COL25A1: variants seen among roughly 807,000 people sequenced by gnomAD.
COL25A1 encodes the protein collagen alpha-1(XXV) chain.
Under a neutral mutation model 128.4 loss-of-function variants are expected in COL25A1, and 103 were observed. That is an observed-to-expected ratio of 0.80 (90% CI 0.68 to 0.94). The LOEUF is 0.94. COL25A1 is among the 40% of genes least tolerant of loss of function. The pLI, the probability that COL25A1 is intolerant of heterozygous loss-of-function variation, is 0.00. For missense variants in COL25A1, 745 were observed against 840.0 expected (o/e 0.89, Z 1.40); for synonymous variants, 279 against 277.2 (o/e 1.01, Z -0.06).
At chr4:108,816,774 C>T (rs1258402286) in intron 37 of COL25A1, among the ~76,000 whole-genome samples, 1 of 152,098 alleles carries the variant, frequency 6.6e-6, no homozygotes, top group Non-Finnish European at 1.5e-5. Context: ...AAATGATATT[C>T]TCTATATGAA....
intron 3 of COL25A1, among the ~76,000 whole-genome samples, chr4:109,109,080 A>C (rs1766734314): frequency 6.7e-6 from 1 of 149,352 alleles, no homozygotes. Flanking sequence ...ATGCCAATAA[A>C]CTCATCTTTT....
chr4:108,904,301 T>C (rs1365550974), intron 13 of COL25A1, among the ~76,000 whole-genome samples: 1 of 152,110 alleles, frequency 6.6e-6, no homozygotes, highest in African/African-American at 2.4e-5. Flanking sequence ...GGGGAAAATA[T>C]ATACATACAT....
chr4:109,066,910 A>G (rs1011813631), intron 3 of COL25A1, among the ~76,000 whole-genome samples: 1 of 152,148 alleles, frequency 6.6e-6, no homozygotes, highest in Non-Finnish European at 1.5e-5. Context: ...GCCTCAGGCA[A>G]TCCTCCCAAC....
intron 8 of COL25A1, chr4:108,942,411 C>A: frequency 1.5e-6 from 1 of 669,654 alleles, no homozygotes; most frequent in Non-Finnish European, 2.6e-6. Flanking sequence ...ATACCATAAA[C>A]AAAATTAGAC....
intron 20 of COL25A1, among the ~76,000 whole-genome samples, chr4:108,868,498 AGGAG>A (rs1000588985): frequency 8.0e-5 from 12 of 150,312 alleles, no homozygotes; most frequent in Non-Finnish European, 1.3e-4. Flanking sequence ...GAAGGAAGGA[AGGAG>A]GGAGGGAGGG....
intron 5 of COL25A1, among the ~76,000 whole-genome samples, chr4:109,046,486 G>A: frequency 6.6e-6 from 1 of 152,138 alleles, no homozygotes; most frequent in Non-Finnish European, 1.5e-5. Context: ...AAGAAGCCTT[G>A]AACACTCTAC....
intron 27 of COL25A1, among the ~76,000 whole-genome samples, chr4:108,847,284 A>C (rs538416353): frequency 2.6e-5 from 4 of 152,144 alleles, no homozygotes; most frequent in African/African-American, 9.7e-5. Context: ...TCAATATACT[A>C]ATGGCTCATT....
intron 31 of COL25A1, among the ~76,000 whole-genome samples, chr4:108,838,862 G>A (rs756331821): frequency 6.6e-6 from 1 of 152,094 alleles, no homozygotes; most frequent in Non-Finnish European, 1.5e-5. Flanking sequence ...AAAAGCCACG[G>A]TAAATGATAA....
rs200475707 is a variant in COL25A1, at chr4:109,254,503, A to G, written c.367+46080T>C. Among the ~76,000 whole-genome samples, 604 of 113,920 alleles carry G rather than the reference A, an allele frequency of 5.3e-3. 32 individuals carry two copies. The South Asian group carries it at 0.06, about 11-fold the overall frequency. The allele number at this position is 113,920 out of a possible 152,430, so 74.7% of individuals were successfully genotyped here. On this transcript the variant is annotated intron_variant, in intron 3 of 37. Transcript: ENST00000399132. ...TATATATATATATATATATATATATATATGTATGTGTGTATATACATATAC... is the reference window on the plus strand; with the variant it reads ...TATATATATATATATATATATATATGTATGTATGTGTGTATATACATATAC...
intron 5 of COL25A1, among the ~76,000 whole-genome samples, chr4:109,013,345 G>A (rs1158803827): frequency 5.9e-5 from 3 of 51,236 alleles, no homozygotes; most frequent in Non-Finnish European, 9.1e-5. Context: ...GATTGTAAAC[G>A]CACCAATCAG....
At chr4:108,879,989 A>G (rs1350151172) in intron 19 of COL25A1, among the ~76,000 whole-genome samples, 1 of 150,426 alleles carries the variant, frequency 6.6e-6, no homozygotes, top group African/African-American at 2.5e-5. Flanking sequence ...TTGTATTTTT[A>G]GTAGAGATGG....
At chr4:109,030,855 C>T (rs529810153) in intron 5 of COL25A1, among the ~76,000 whole-genome samples, 4 of 152,158 alleles carry the variant, frequency 2.6e-5, no homozygotes, top group African/African-American at 9.6e-5. Context: ...TTGGCTCAAG[C>T]GATCCTCCCA....
intron 8 of COL25A1, among the ~76,000 whole-genome samples, chr4:108,953,671 C>G (rs1749722832): frequency 6.6e-6 from 1 of 152,064 alleles, no homozygotes; most frequent in African/African-American, 2.4e-5. Context: ...ACATCTTCAC[C>G]TGCTCCATGA....
rs376426474 is a variant in COL25A1, at chr4:108,859,748, A to G, written c.1243-15T>C. 4.0e-5 allele frequency: 64 copies of G among 1,608,044 alleles called. No homozygotes were observed. The highest frequency in any genetic ancestry group is 5.0e-5 in the Non-Finnish European group (59 of 1,174,816). On this transcript the variant is annotated splice_polypyrimidine_tract_variant and intron_variant, in intron 23 of 37. Transcript: ENST00000399132. ...CCAGGTGGACCCTATGACAAAACCA[A>G]TCAAGGGAAAATCATGGGTATTAGC...
intron 3 of COL25A1, among the ~76,000 whole-genome samples, chr4:109,183,813 G>T (rs1199799375): frequency 6.6e-6 from 1 of 151,250 alleles, no homozygotes; most frequent in African/African-American, 2.4e-5. Flanking sequence ...ATTGATAATA[G>T]CATCATGATT....
At chr4:108,874,344 T>C (rs776758295) in intron 19 of COL25A1, among the ~76,000 whole-genome samples, 3 of 152,170 alleles carry the variant, frequency 2.0e-5, no homozygotes, top group Non-Finnish European at 4.4e-5. Context: ...AGGAGAGTAG[T>C]AAATTGAAAA....
At chr4:109,007,850 G>A (rs374019634) in intron 6 of COL25A1, among the ~76,000 whole-genome samples, 7 of 152,058 alleles carry the variant, frequency 4.6e-5, no homozygotes, top group Admixed American at 1.3e-4. Flanking sequence ...CATCATCCAC[G>A]GTTCTCCTGG....
intron 5 of COL25A1, among the ~76,000 whole-genome samples, chr4:109,028,682 T>C (rs542183767): frequency 2.2e-4 from 34 of 151,730 alleles, no homozygotes; most frequent in Non-Finnish European, 7.4e-5. Flanking sequence ...GCCGAGATTG[T>C]ACCACTGCAC....
intron 3 of COL25A1, among the ~76,000 whole-genome samples, chr4:109,204,365 G>A (rs918122927): frequency 1.3e-5 from 2 of 152,072 alleles, no homozygotes; most frequent in African/African-American, 2.4e-5. Context: ...TCTGAAAGAC[G>A]TTGTATGAAG....
Sources: gnomAD v4.1 joint callset for allele counts (sites outside exome capture counted in the v4.1 genomes callset) on GRCh38, gnomAD v4.1.1 for gene constraint, MANE v1.5 for transcripts, NCBI Gene and HGNC (gene_info 2026-07-23, HGNC 2026-07-21) for gene names.